The following CD8B variants were observed in gnomAD, a reference collection of about 807,000 sequenced individuals.
The protein encoded by CD8B is CD8 subunit beta.
Under a neutral mutation model 24.2 loss-of-function variants are expected in CD8B, and 6 were observed. The ratio of observed to expected loss-of-function variants is 0.25; its 90% CI spans 0.14 to 0.49. CD8B has a LOEUF of 0.49. Among genes scored for constraint, CD8B ranks in the 20% least tolerant of loss-of-function variants. The pLI is 0.98. For missense variants in CD8B, 196 were observed against 271.3 expected, an observed-to-expected ratio of 0.72 and a Z score of 1.95; for synonymous variants, 84 against 108.3, an observed-to-expected ratio of 0.78 and a Z score of 1.39.
intron 3 of CD8B, among the ~76,000 whole-genome samples, chr2:86,848,540 G>A (rs1261220745): frequency 6.6e-6 from 1 of 152,028 alleles, no homozygotes; most frequent in Non-Finnish European, 1.5e-5. Context: ...GGGCCCATGG[G>A]TGAAAGGGCA....
intron 3 of CD8B, among the ~76,000 whole-genome samples, chr2:86,851,169 A>G (rs1348950775): frequency 6.6e-6 from 1 of 152,200 alleles, no homozygotes; most frequent in African/African-American, 2.4e-5. Context: ...CATTTATAAA[A>G]GTATGACTGA....
chr2:86,841,989 A>G lies in CD8B; in HGVS notation c.*318T>C. On this transcript the variant is annotated 3_prime_UTR_variant, in exon 6 of 6. Coordinates refer to ENST00000390655, the MANE Select transcript of CD8B (RefSeq NM_004931.5). Reference sequence around the variant, plus strand: ...CAAAGATGGTGGCTAAATGGCCACCACTAAAGGTCCCAGTTCAGGGAAAGC... The same window carrying G: ...CAAAGATGGTGGCTAAATGGCCACCGCTAAAGGTCCCAGTTCAGGGAAAGC... 1 of 1,116,306 alleles carries G rather than the reference A, an allele frequency of 9.0e-7. No individual in the cohort carries two copies. The highest frequency in any genetic ancestry group is 1.1e-6 in the Non-Finnish European group (1 of 914,294). 69.2% of individuals were successfully genotyped at this position (1,116,306 alleles called of 1,614,324 possible). A position where few individuals can be genotyped will look rare whatever the true frequency, so the allele number is the denominator to read the frequency against.
At chr2:86,854,640 G>A (rs1468841348) in intron 2 of CD8B, among the ~76,000 whole-genome samples, 1 of 152,112 alleles carries the variant, frequency 6.6e-6, no homozygotes, top group Admixed American at 6.6e-5. Flanking sequence ...GAAGACAGCT[G>A]TGGCTCTGAT....
chr2:86,858,759 GGGT>G (rs918465627), intron 1 of CD8B, among the ~76,000 whole-genome samples: 12 of 149,238 alleles, frequency 8.0e-5, no homozygotes, highest in Admixed American at 5.3e-4. Context: ...AAAAGACATG[GGGT>G]CTTGTTATGT....
chr2:86,846,258 C>A (rs1182060411), intron 4 of CD8B, among the ~76,000 whole-genome samples: 1 of 152,190 alleles, frequency 6.6e-6, no homozygotes, highest in East Asian at 1.9e-4. Flanking sequence ...GAACACAACA[C>A]AAACCCCATA....
chr2:86,824,592 GGGAGGGGGCTTT>G (rs1023603744), intron 5 of CD8B, among the ~76,000 whole-genome samples: 5 of 152,186 alleles, frequency 3.3e-5, no homozygotes, highest in African/African-American at 9.6e-5. Flanking sequence ...GGGTCCTGTG[GGGAGGGGGCTTT>G]TCATCAGTGC....
At chr2:86,855,377 T>C (rs1270817956) in intron 2 of CD8B, among the ~76,000 whole-genome samples, 2 of 152,228 alleles carry the variant, frequency 1.3e-5, no homozygotes, top group Admixed American at 1.3e-4. Flanking sequence ...ATAAGTTTAC[T>C]GGACACAACA....
downstream of CD8B, among the ~76,000 whole-genome samples, chr2:86,833,635 CCCTCCCTTCCTT>C (rs1675039913): frequency 1.4e-5 from 1 of 72,284 alleles, no homozygotes; most frequent in Admixed American, 1.4e-4. Context: ...CTCCCTCCCT[CCCTCCCTTCCTT>C]CCTTCCTTCC....
intron 3 of CD8B, among the ~76,000 whole-genome samples, chr2:86,848,901 G>A (rs1233187043): frequency 6.6e-6 from 1 of 152,126 alleles, no homozygotes; most frequent in Non-Finnish European, 1.5e-5. Context: ...GTTTTTAGTA[G>A]AGATGGGTTT....
At chr2:86,844,698 A>G (rs565267006) in intron 5 of CD8B, 1 of 1,486,278 alleles carries the variant, frequency 6.7e-7, no homozygotes, top group African/African-American at 1.4e-5. Flanking sequence ...GCTGGAGTGC[A>G]GTGGTACCAT....
chr2:86,842,122 A>G lies in CD8B; in HGVS notation c.*185T>C. On this transcript the variant is annotated 3_prime_UTR_variant, in exon 6 of 6. Coordinates refer to ENST00000390655, the MANE Select transcript of CD8B (RefSeq NM_004931.5). ...AACCTTCTCCCTAGTATTCCCGATG[A>G]CCCACGAACAAGTTGCTCCCATGCA... The G allele has an allele frequency of 7.0e-7, 1 of 1,422,060 alleles. No individual in the cohort carries two copies. The highest frequency in any genetic ancestry group is 9.2e-7 in the Non-Finnish European group (1 of 1,084,250). The allele number at this position is 1,422,060 out of a possible 1,614,324, so 88.1% of individuals were successfully genotyped here.
At chr2:86,821,447 C>T (rs745357144) in intron 5 of CD8B, among the ~76,000 whole-genome samples, 5 of 152,198 alleles carry the variant, frequency 3.3e-5, no homozygotes, top group Non-Finnish European at 5.9e-5. Context: ...ACTCAGCCGA[C>T]GGGAGCTTTG....
In CD8B at chr2:86,840,162, T is replaced by G. The variant is rs1414284970; in HGVS notation, c.*2145A>C. ...GCTGACTTCTCAAAGCTGGATCAAATGGAAAACACCTGGGTCTGGGGGCAG... is the reference window on the plus strand; with the variant it reads ...GCTGACTTCTCAAAGCTGGATCAAAGGGAAAACACCTGGGTCTGGGGGCAG... On this transcript the variant is annotated 3_prime_UTR_variant, in exon 6 of 6. Transcript: ENST00000390655. 2.9e-5 allele frequency among the ~76,000 whole-genome samples: 4 copies of G among 139,896 alleles called. No homozygotes were observed. The highest frequency in any genetic ancestry group is 1.1e-4 in the African/African-American group (4 of 37,138). 91.8% of individuals were successfully genotyped at this position (139,896 alleles called of 152,430 possible). A position where few individuals can be genotyped will look rare whatever the true frequency, so the allele number is the denominator to read the frequency against.
At chr2:86,821,973 G>T (rs1674496000) in intron 5 of CD8B, among the ~76,000 whole-genome samples, 1 of 152,086 alleles carries the variant, frequency 6.6e-6, no homozygotes, top group Non-Finnish European at 1.5e-5. Context: ...GTTCTGTATT[G>T]TATGTCTGCC....
At chr2:86,858,932 C>T (rs1245949274) in intron 1 of CD8B, among the ~76,000 whole-genome samples, 1 of 152,114 alleles carries the variant, frequency 6.6e-6, no homozygotes, top group African/African-American at 2.4e-5. Context: ...TTTTAATCCT[C>T]ATTACACAGA....
chr2:86,833,635 C>CCTTCCTTCCTTCCTT (rs1558752314), downstream of CD8B, among the ~76,000 whole-genome samples: 10 of 72,282 alleles, frequency 1.4e-4, no homozygotes, highest in Non-Finnish European at 3.3e-4. Context: ...CTCCCTCCCT[C>CCTTCCTTCCTTCCTT]CCTCCCTTCC....
chr2:86,837,281 A>G (rs1232221920), downstream of CD8B, among the ~76,000 whole-genome samples: 1 of 152,240 alleles, frequency 6.6e-6, no homozygotes, highest in East Asian at 1.9e-4. Flanking sequence ...AGCAGGATCC[A>G]GGAGAGCCAA....
chr2:86,861,794 C>T, intron 1 of CD8B, 29 bp downstream of exon 1: 1 of 1,271,434 alleles, frequency 7.9e-7, no homozygotes, highest in Non-Finnish European at 9.9e-7. Context: ...AGCGCAGACC[C>T]TTGGGTAGCC....
chr2:86,848,261 C>G (rs1162819448), intron 3 of CD8B, among the ~76,000 whole-genome samples: 1 of 152,170 alleles, frequency 6.6e-6, no homozygotes, highest in Non-Finnish European at 1.5e-5. Context: ...CCTTGCTGAC[C>G]CTTGATATCA....
Sources: allele counts gnomAD v4.1 joint callset (sites outside exome capture counted in the v4.1 genomes callset), GRCh38; gene constraint gnomAD v4.1.1; transcripts MANE v1.5; gene names NCBI Gene and HGNC (gene_info 2026-07-23, HGNC 2026-07-21).